JPH3: variants seen among roughly 807,000 people sequenced by gnomAD.
JPH3 encodes junctophilin-3.
A neutral mutation model predicts 59.6 loss-of-function variants in JPH3; 11 were observed. That is an observed-to-expected ratio of 0.18 (90% CI 0.12 to 0.31). JPH3 has a LOEUF of 0.31. Ranked by LOEUF, JPH3 falls within the 10% of genes least tolerant of loss-of-function variation. The pLI is 1.00. For synonymous variants in JPH3, 673 were observed against 483.6 expected, an observed-to-expected ratio of 1.39 and a Z score of -5.14; for missense variants, 1,202 against 1,105.7, an observed-to-expected ratio of 1.09 and a Z score of -1.24.
intron 1 of JPH3, among the ~76,000 whole-genome samples, chr16:87,640,682 C>T (rs1324184888): frequency 6.6e-6 from 1 of 152,156 alleles, no homozygotes; most frequent in Non-Finnish European, 1.5e-5. Flanking sequence ...CATGAGCCAC[C>T]CCACCCAGCC....
Position 87,684,223 on chromosome 16 carries a change from C to A in JPH3, c.1242C>A (p.Ile414=), listed in dbSNP as rs768742711. ...AGGAGGAGGCGCGGATCGCCAGGAT[C>A]ACTGCCAAAGAGTTCTCCCCTTCCT... ...KAQEEARIAR[I]TAKEFSPSFQ... The change falls in exon 3 of 5, where the codon ATC becomes ATA. Residue 414 remains isoleucine (I), a synonymous_variant. Coordinates refer to ENST00000284262, the MANE Select transcript of JPH3 (RefSeq NM_020655.4). 1 of 1,613,982 alleles carries A rather than the reference C, an allele frequency of 6.2e-7. No homozygotes were observed. The highest frequency in any genetic ancestry group is 1.1e-5 in the South Asian group (1 of 91,080).
At chr16:87,613,864 C>T (rs542582754) in intron 1 of JPH3, among the ~76,000 whole-genome samples, 16 of 152,280 alleles carry the variant, frequency 1.1e-4, no homozygotes, top group South Asian at 1.0e-3. Context: ...TAAGGCATTC[C>T]GCTCCCATTT....
At chr16:87,634,588 G>A (rs1425828695) in intron 1 of JPH3, among the ~76,000 whole-genome samples, 1 of 152,228 alleles carries the variant, frequency 6.6e-6, no homozygotes, top group Non-Finnish European at 1.5e-5. Flanking sequence ...CCACCACCTT[G>A]GGCTCCCCTG....
chr16:87,609,790 A>G (rs114865633), intron 1 of JPH3, among the ~76,000 whole-genome samples: 2,230 of 152,190 alleles, frequency 0.015, 62 homozygotes, highest in African/African-American at 0.052. Context: ...ATGGTCCCCA[A>G]CCTTTTTGGC....
At chr16:87,666,967 C>G (rs79796514) in intron 2 of JPH3, among the ~76,000 whole-genome samples, 2 of 152,148 alleles carry the variant, frequency 1.3e-5, no homozygotes, top group African/African-American at 4.8e-5. Context: ...CCTACAGCTT[C>G]CATGACAAAG....
At chr16:87,695,741 G>A (rs1395752496) in intron 4 of JPH3, 1 of 456,048 alleles carries the variant, frequency 2.2e-6, no homozygotes, top group Admixed American at 2.3e-5. Flanking sequence ...CCTGCCTGGT[G>A]TGAGCAGAAC....
chr16:87,651,482 T>C (rs1478167323), intron 2 of JPH3, among the ~76,000 whole-genome samples: 1 of 152,188 alleles, frequency 6.6e-6, no homozygotes, highest in Non-Finnish European at 1.5e-5. Flanking sequence ...CTAGATCCCA[T>C]TAAGAACATT....
chr16:87,664,080 C>G (rs188066678), intron 2 of JPH3, among the ~76,000 whole-genome samples: 15 of 148,314 alleles, frequency 1.0e-4, no homozygotes, highest in Admixed American at 8.0e-4. Context: ...GCCTGTAATC[C>G]CAGCACTTTG....
At chr16:87,660,483 C>T (rs1038439988) in intron 2 of JPH3, among the ~76,000 whole-genome samples, 4 of 152,154 alleles carry the variant, frequency 2.6e-5, no homozygotes, top group Admixed American at 6.5e-5. Flanking sequence ...CCCTTTTGCC[C>T]ACCCCCACCA....
At chr16:87,665,380 G>A (rs1016763710) in intron 2 of JPH3, among the ~76,000 whole-genome samples, 3 of 152,230 alleles carry the variant, frequency 2.0e-5, no homozygotes, top group African/African-American at 7.2e-5. Flanking sequence ...AGAACCGACA[G>A]CACCGGCCCA....
chr16:87,693,402 G>T (rs1410477583), intron 4 of JPH3: 1 of 152,280 alleles, frequency 6.6e-6, no homozygotes, highest in African/African-American at 2.4e-5. Context: ...GGCCAGGCAC[G>T]GTGGCTCACA....
At position 87,603,136 on chromosome 16, in the gene JPH3, G is replaced by T. The variant is rs752176847; in HGVS notation, c.-11G>T. 5.0e-6 allele frequency: 8 copies of T among 1,613,852 alleles called. No homozygotes were observed. In the South Asian group the frequency reaches 8.8e-5, roughly 18 times the overall value. ...TTCACCGTTTGCGGGATCTGGAACCGAGTTACATGCATGTCCAGTGGGGGC... is the reference window on the plus strand; with the variant it reads ...TTCACCGTTTGCGGGATCTGGAACCTAGTTACATGCATGTCCAGTGGGGGC... On this transcript the variant is annotated 5_prime_UTR_variant, in exon 1 of 5. Transcript: ENST00000284262.
intron 1 of JPH3, among the ~76,000 whole-genome samples, chr16:87,635,006 T>C (rs7195424): frequency 0.3 from 46,072 of 152,038 alleles, 7,172 homozygotes; most frequent in Non-Finnish European, 0.34. Context: ...TCCGCCTGCA[T>C]GGAGCCATGG....
intron 2 of JPH3, among the ~76,000 whole-genome samples, chr16:87,661,908 C>T (rs992066856): frequency 6.6e-6 from 1 of 152,236 alleles, no homozygotes; most frequent in African/African-American, 2.4e-5. Context: ...CACTCACGTC[C>T]CATCTGCTGA....
At chr16:87,671,019 G>C (rs1051490608) in intron 2 of JPH3, among the ~76,000 whole-genome samples, 1 of 152,312 alleles carries the variant, frequency 6.6e-6, no homozygotes, top group Non-Finnish European at 1.5e-5. Context: ...TGGAATCCTG[G>C]GGCTGTGGCC....
chr16:87,649,742 C>A (rs917902887), intron 2 of JPH3, among the ~76,000 whole-genome samples: 3 of 152,208 alleles, frequency 2.0e-5, no homozygotes, highest in Non-Finnish European at 2.9e-5. Context: ...CCGTCCCCCT[C>A]CCCACTTTGG....
intron 2 of JPH3, among the ~76,000 whole-genome samples, chr16:87,648,187 A>T (rs2032214974): frequency 6.6e-6 from 1 of 152,088 alleles, no homozygotes; most frequent in African/African-American, 2.4e-5. Flanking sequence ...ATGAGCCTGC[A>T]TTCTGGGCTG....
chr16:87,609,349 C>T (rs577079707), intron 1 of JPH3, among the ~76,000 whole-genome samples: 23 of 152,306 alleles, frequency 1.5e-4, no homozygotes, highest in African/African-American at 5.3e-4. Context: ...TCATTGCAAC[C>T]TCTGCCTCCT....
At chr16:87,638,536 G>A (rs774777040) in intron 1 of JPH3, among the ~76,000 whole-genome samples, 2 of 151,110 alleles carry the variant, frequency 1.3e-5, no homozygotes, top group Non-Finnish European at 2.9e-5. Context: ...TGAACATGAG[G>A]GCTCCTGGCT....
Sources: gnomAD v4.1 joint callset for allele counts (sites outside exome capture counted in the v4.1 genomes callset) on GRCh38, gnomAD v4.1.1 for gene constraint, MANE v1.5 for transcripts, NCBI Gene and HGNC (gene_info 2026-07-23, HGNC 2026-07-21) for gene names.